ROR1: variants seen among roughly 807,000 people sequenced by gnomAD.
The protein encoded by ROR1 is inactive tyrosine-protein kinase transmembrane receptor ROR1.
In ROR1, 19 loss-of-function variants were observed where a neutral mutation model predicts 78.8. The ratio of observed to expected loss-of-function variants is 0.24; its 90% CI spans 0.17 to 0.35. ROR1 has a LOEUF of 0.35. Ranked by LOEUF, ROR1 falls within the 10% of genes least tolerant of loss-of-function variation. The pLI, the probability that ROR1 is intolerant of heterozygous loss-of-function variation, is 1.00. For missense variants in ROR1, 917 were observed against 1,177.8 expected, an observed-to-expected ratio of 0.78 and a Z score of 3.24; for synonymous variants, 386 against 433.6, an observed-to-expected ratio of 0.89 and a Z score of 1.36.
intron 4 of ROR1, among the ~76,000 whole-genome samples, chr1:64,058,597 G>GT (rs36125066): frequency 0.12 from 18,393 of 147,364 alleles, 1,476 homozygotes; most frequent in African/African-American, 0.22. Context: ...ATCGTGGTGG[G>GT]TTTTTTTTTG....
chr1:63,797,418 C>T (rs1335641766), intron 1 of ROR1, among the ~76,000 whole-genome samples: 2 of 152,158 alleles, frequency 1.3e-5, no homozygotes, highest in East Asian at 1.9e-4. Flanking sequence ...GAAGGCTGAA[C>T]GGAGAGTCAT....
At chr1:63,833,328 C>G (rs1036318406) in intron 1 of ROR1, among the ~76,000 whole-genome samples, 1 of 152,186 alleles carries the variant, frequency 6.6e-6, no homozygotes, top group African/African-American at 2.4e-5. Context: ...GTGCTTTTAT[C>G]TTTTCTAAGT....
At chr1:64,149,259 G>A (rs1649557121) in intron 7 of ROR1, among the ~76,000 whole-genome samples, 1 of 152,160 alleles carries the variant, frequency 6.6e-6, no homozygotes. Flanking sequence ...AACAGGCAAT[G>A]TTGTTTTTAC....
At chr1:64,159,801 C>A (rs952948931) in intron 8 of ROR1, among the ~76,000 whole-genome samples, 2 of 152,134 alleles carry the variant, frequency 1.3e-5, no homozygotes, top group Non-Finnish European at 2.9e-5. Context: ...GATAACCAAC[C>A]TTAGCCTTCC....
chr1:64,126,571 C>G (rs1648721172), intron 4 of ROR1, among the ~76,000 whole-genome samples: 1 of 152,148 alleles, frequency 6.6e-6, no homozygotes. Context: ...TACAGTTCAA[C>G]TTCCATATTA....
chr1:63,791,522 C>T (rs1201907923), intron 1 of ROR1, among the ~76,000 whole-genome samples: 7 of 152,036 alleles, frequency 4.6e-5, no homozygotes, highest in African/African-American at 1.7e-4. Context: ...CTTCCCAGGC[C>T]CCTTTCTGTA....
At chr1:64,093,215 CTCTT>C (rs747439646) in intron 4 of ROR1, among the ~76,000 whole-genome samples, 6 of 152,156 alleles carry the variant, frequency 3.9e-5, no homozygotes, top group African/African-American at 7.2e-5. Flanking sequence ...GAGTCTCTCT[CTCTT>C]TCTGTTTTAG....
intron 1 of ROR1, among the ~76,000 whole-genome samples, chr1:64,002,045 C>A (rs951683690): frequency 4.6e-5 from 7 of 151,746 alleles, no homozygotes; most frequent in African/African-American, 1.7e-4. Flanking sequence ...AACCCCATCA[C>A]GCTGTTTATA....
chr1:63,816,271 C>T (rs906456308), intron 1 of ROR1, among the ~76,000 whole-genome samples: 8 of 152,150 alleles, frequency 5.3e-5, no homozygotes, highest in African/African-American at 1.9e-4. Context: ...TGTGTCCCCA[C>T]CCAAATCTCA....
chr1:63,838,888 A>G (rs571808178), intron 1 of ROR1, among the ~76,000 whole-genome samples: 1 of 152,218 alleles, frequency 6.6e-6, no homozygotes, highest in South Asian at 2.1e-4. Flanking sequence ...ATGTTTAGGT[A>G]TGTTTAGCTA....
At chr1:64,077,652 G>A (rs1368345801) in intron 4 of ROR1, among the ~76,000 whole-genome samples, 1 of 152,248 alleles carries the variant, frequency 6.6e-6, no homozygotes, top group East Asian at 1.9e-4. Flanking sequence ...CCAGCCAAGG[G>A]TTCACTCAAG....
Position 64,014,745 on chromosome 1 carries a change from T to C in ROR1, c.163+5369T>C, listed in dbSNP as rs1646505226. On this transcript the variant is annotated intron_variant, in intron 2 of 8. Transcript: ENST00000371079. ...TATATATACACATACGCACACTATA[T>C]ATATATATATATATATATATATATA... 3.3e-4 allele frequency among the ~76,000 whole-genome samples: 3 copies of C among 8,998 alleles called. 1 individual carries two copies. The highest frequency in any genetic ancestry group is 1.9e-4 in the African/African-American group (1 of 5,318). 5.9% of individuals were successfully genotyped at this position (8,998 alleles called of 152,430 possible). A position where few individuals can be genotyped will look rare whatever the true frequency, so the allele number is the denominator to read the frequency against.
At chr1:63,783,678 T>C (rs1164977271) in intron 1 of ROR1, among the ~76,000 whole-genome samples, 1 of 152,152 alleles carries the variant, frequency 6.6e-6, no homozygotes, top group Non-Finnish European at 1.5e-5. Context: ...AGACGAACTG[T>C]CTTGGTGTCT....
intron 1 of ROR1, among the ~76,000 whole-genome samples, chr1:63,886,346 C>G (rs1645357239): frequency 6.6e-6 from 1 of 152,188 alleles, no homozygotes; most frequent in East Asian, 1.9e-4. Flanking sequence ...ATATGGGCTG[C>G]ATTCTTTTTT....
chr1:63,956,216 A>G (rs1645981009), intron 1 of ROR1, among the ~76,000 whole-genome samples: 1 of 152,206 alleles, frequency 6.6e-6, no homozygotes, highest in African/African-American at 2.4e-5. Context: ...TGAGTCCCAC[A>G]GTGAGTCCCT....
intron 4 of ROR1, among the ~76,000 whole-genome samples, chr1:64,123,186 C>A (rs1176657785): frequency 6.6e-6 from 1 of 152,096 alleles, no homozygotes; most frequent in East Asian, 1.9e-4. Context: ...AAATAAAACA[C>A]ATTATAGAAC....
intron 1 of ROR1, among the ~76,000 whole-genome samples, chr1:63,910,044 T>A (rs567073732): frequency 1.3e-5 from 2 of 152,330 alleles, no homozygotes; most frequent in African/African-American, 4.8e-5. Context: ...ACAAGGCACT[T>A]AATCTATTAT....
chr1:64,077,270 G>A (rs891864126), intron 4 of ROR1, among the ~76,000 whole-genome samples: 7 of 152,188 alleles, frequency 4.6e-5, no homozygotes, highest in Admixed American at 3.3e-4. Flanking sequence ...TGGCTCTTTG[G>A]CTCTGATCAC....
At chr1:63,981,754 C>A (rs972509215) in intron 1 of ROR1, among the ~76,000 whole-genome samples, 1 of 151,980 alleles carries the variant, frequency 6.6e-6, no homozygotes, top group African/African-American at 2.4e-5. Flanking sequence ...TCCTAGAGAG[C>A]AGAAGTCCTG....
Sources: allele counts gnomAD v4.1 joint callset (sites outside exome capture counted in the v4.1 genomes callset), GRCh38; gene constraint gnomAD v4.1.1; transcripts MANE v1.5; gene names NCBI Gene and HGNC (gene_info 2026-07-23, HGNC 2026-07-21).